The following CSMD2 variants were observed in gnomAD, a reference collection of about 807,000 sequenced individuals.
CSMD2 encodes the protein CUB and Sushi multiple domains 2, also known as CUB and sushi domain-containing protein 2.
A neutral mutation model predicts 398.5 loss-of-function variants in CSMD2; 130 were observed. The ratio of observed to expected loss-of-function variants is 0.33; its 90% CI spans 0.28 to 0.38. CSMD2 has a LOEUF of 0.38. CSMD2 is among the 10% of genes least tolerant of loss of function. The pLI is 1.00. For synonymous variants in CSMD2, 1,828 were observed against 1,908.5 expected (o/e 0.96, Z 1.10); for missense variants, 3,829 against 4,764.9 (o/e 0.80, Z 5.78).
chr1:33,576,067 G>A (rs1300334802), intron 49 of CSMD2, among the ~76,000 whole-genome samples: 1 of 152,170 alleles, frequency 6.6e-6, no homozygotes, highest in Non-Finnish European at 1.5e-5. Flanking sequence ...AAACTTTCTG[G>A]GAGGCAATCA....
At chr1:34,118,719 G>C (rs1661855999) in intron 1 of CSMD2, among the ~76,000 whole-genome samples, 1 of 152,202 alleles carries the variant, frequency 6.6e-6, no homozygotes, top group Non-Finnish European at 1.5e-5. Flanking sequence ...ACGCTTTACT[G>C]AGGAGGCAAA....
intron 1 of CSMD2, among the ~76,000 whole-genome samples, chr1:34,144,469 C>T (rs1417647491): frequency 2.0e-5 from 3 of 152,170 alleles, no homozygotes. Flanking sequence ...AGCTCAGCCC[C>T]AACCCACCTT....
chr1:33,864,615 T>C (rs751744398), intron 5 of CSMD2: 7 of 1,613,824 alleles, frequency 4.3e-6, no homozygotes, highest in Non-Finnish European at 8.5e-7. Flanking sequence ...GAAGCACCCT[T>C]ATGAGCAAAG....
intron 4 of CSMD2, among the ~76,000 whole-genome samples, chr1:33,926,415 G>A (rs1644129405): frequency 6.6e-6 from 1 of 152,142 alleles, no homozygotes; most frequent in Non-Finnish European, 1.5e-5. Flanking sequence ...CTGGACTTGT[G>A]CTAGAACTGA....
intron 13 of CSMD2, among the ~76,000 whole-genome samples, chr1:33,771,729 G>C (rs1432769423): frequency 1.3e-5 from 2 of 152,122 alleles, no homozygotes; most frequent in Non-Finnish European, 2.9e-5. Context: ...CACTGAGCCG[G>C]GTGAAGGATC....
intron 4 of CSMD2, among the ~76,000 whole-genome samples, chr1:33,919,029 C>A (rs964625693): frequency 6.6e-6 from 1 of 152,186 alleles, no homozygotes; most frequent in African/African-American, 2.4e-5. Context: ...AGAAAGAACA[C>A]TGGCTATGGT....
chr1:33,647,161 A>G (rs1232953448), intron 28 of CSMD2, among the ~76,000 whole-genome samples: 1 of 152,190 alleles, frequency 6.6e-6, no homozygotes, highest in African/African-American at 2.4e-5. Flanking sequence ...TGTCAACCAA[A>G]GTAGGTCCAA....
intron 11 of CSMD2, among the ~76,000 whole-genome samples, chr1:33,790,801 ATATCTATCTATC>A (rs3078814): frequency 0.012 from 1,796 of 148,548 alleles, 36 homozygotes; most frequent in African/African-American, 0.04. Context: ...CATCTCTCTA[ATATCTATCTATC>A]TATCTATCTA....
chr1:33,658,802 T>C (rs192570293), intron 26 of CSMD2, among the ~76,000 whole-genome samples: 1 of 152,320 alleles, frequency 6.6e-6, no homozygotes, highest in East Asian at 1.9e-4. Context: ...AGGTTAAGGC[T>C]GCAGTGAGCC....
chr1:34,156,442 T>A (rs1640812785), intron 1 of CSMD2, among the ~76,000 whole-genome samples: 2 of 152,216 alleles, frequency 1.3e-5, no homozygotes, highest in South Asian at 4.1e-4. Flanking sequence ...TCTCATAATA[T>A]ACTTGTATCT....
At chr1:33,799,879 A>G (rs1655389826) in intron 10 of CSMD2, among the ~76,000 whole-genome samples, 1 of 152,122 alleles carries the variant, frequency 6.6e-6, no homozygotes, top group Non-Finnish European at 1.5e-5. Context: ...CTGCAGAGGA[A>G]TTTTCTGCAC....
chr1:33,839,180 CA>C (rs1429773121), intron 6 of CSMD2: 2 of 152,174 alleles, frequency 1.3e-5, no homozygotes, highest in Non-Finnish European at 2.9e-5. Flanking sequence ...ACTTGAATAA[CA>C]TATGAGAAGT....
chr1:33,567,734 T>C lies in CSMD2; in HGVS notation c.8239A>G (p.Asn2747Asp), dbSNP rs1355081821. 1.2e-6 allele frequency: 2 copies of C among 1,614,078 alleles called. No individual in the cohort carries two copies. The highest frequency in any genetic ancestry group is 8.5e-7 in the Non-Finnish European group (1 of 1,180,018). Reference sequence around the variant, plus strand: ...TAGTTCTCCCCATTGATGTGTCCGTTGACAATGGGCTCAGGAGTCCCACAG... The same window carrying C: ...TAGTTCTCCCCATTGATGTGTCCGTCGACAATGGGCTCAGGAGTCCCACAG... ...GHCGTPEPIV[N>D]GHINGENYSY... is the part of the protein sequence containing the mutation. Residue 2747 changes from asparagine (N) to aspartate (D), a missense_variant, in exon 53 of 71, where the codon AAC becomes GAC. Asn to Asp is a conservative substitution (Grantham distance 23, BLOSUM62 1). Coordinates refer to ENST00000373381, the MANE Select transcript of CSMD2 (RefSeq NM_001281956.2).
Position 33,550,254 on chromosome 1 carries a change from T to C in CSMD2, c.8840A>G (p.Lys2947Arg), listed in dbSNP as rs757984747. 2.5e-6 allele frequency: 4 copies of C among 1,614,126 alleles called. No individual in the cohort carries two copies. In the African/African-American group the frequency reaches 5.3e-5, roughly 22 times the overall value. ...GGTGCTGTTTCCCACCAGAGTACGC[T>C]TGCCGATGCAGCTGTACCGCACCAC... Reference protein sequence around the residue: ...GAVVRYSCIGKRTLVGNSTRM... With the variant: ...GAVVRYSCIGRRTLVGNSTRM... Residue 2947 changes from lysine (K) to arginine (R), a missense_variant, in exon 56 of 71, where the codon AAG becomes AGG. Physicochemically the swap from Lys to Arg is conservative, Grantham distance 26. Around this residue, in one of 5 missense-constraint regions of CSMD2, gnomAD observed 917 missense variants for 1,199.5 expected, o/e 0.76. Coordinates refer to ENST00000373381, the MANE Select transcript of CSMD2 (RefSeq NM_001281956.2).
intron 37 of CSMD2, among the ~76,000 whole-genome samples, chr1:33,620,365 T>A (rs750766077): frequency 1.3e-5 from 2 of 152,192 alleles, no homozygotes; most frequent in Non-Finnish European, 2.9e-5. Flanking sequence ...GGGCCCTGGC[T>A]CCTAGGAATT....
Position 33,550,292 on chromosome 1 carries a change from A to G in CSMD2, c.8802T>C (p.Tyr2934=). 1 of 1,614,240 alleles carries G rather than the reference A, an allele frequency of 6.2e-7. No homozygotes were observed. The highest frequency in any genetic ancestry group is 8.5e-7 in the Non-Finnish European group (1 of 1,180,042). ...TGTACCGCACCACTGCTCCCACAGT[A>G]TAACTGTCTCCAGACATCTGGGAGT... ...PPHSQMSGDS[Y]TVGAVVRYSC... The change falls in exon 56 of 71, where the codon TAT becomes TAC. Residue 2934 remains tyrosine (Y), a synonymous_variant. Transcript: ENST00000373381.
At chr1:33,569,580 C>T (rs985609747) in intron 51 of CSMD2, 33 bp from the exon 52 acceptor site, 1 of 1,601,694 alleles carries the variant, frequency 6.2e-7, no homozygotes, top group Non-Finnish European at 8.5e-7. Context: ...AGTAAGCCAG[C>T]CCCAAGAGGA....
At chr1:33,855,849 G>A (rs919882051) in intron 5 of CSMD2, among the ~76,000 whole-genome samples, 5 of 152,150 alleles carry the variant, frequency 3.3e-5, no homozygotes, top group Admixed American at 2.0e-4. Context: ...CTTCCTGACT[G>A]GAGTCTCTGC....
intron 2 of CSMD2, among the ~76,000 whole-genome samples, chr1:34,053,645 A>C (rs1653483512): frequency 6.6e-6 from 1 of 152,220 alleles, no homozygotes; most frequent in Non-Finnish European, 1.5e-5. Context: ...AAAATGTAGT[A>C]AGAAACATGC....
Sources: gnomAD v4.1 joint callset for allele counts (sites outside exome capture counted in the v4.1 genomes callset) on GRCh38, gnomAD v4.1.1 for gene constraint, gnomAD v4.1.1 regional missense constraint, MANE v1.5 for transcripts, NCBI Gene and HGNC (gene_info 2026-07-23, HGNC 2026-07-21) for gene names.